Variants in IGSF23 observed in about 807,000 individuals in gnomAD.
The protein encoded by IGSF23 is immunoglobulin superfamily member 23.
In IGSF23, 14 loss-of-function variants were observed where a neutral mutation model predicts 17.8. That is an observed-to-expected ratio of 0.79 (90% CI 0.52 to 1.23). The LOEUF (loss-of-function observed/expected upper bound fraction) is 1.23, where lower values mean the gene tolerates loss of function less well. Among genes scored for constraint, IGSF23 ranks in the 50% most tolerant of loss-of-function variants. The pLI is 0.00. For synonymous variants in IGSF23, 85 were observed against 92.5 expected, an observed-to-expected ratio of 0.92 and a Z score of 0.46; for missense variants, 214 against 241.7, an observed-to-expected ratio of 0.89 and a Z score of 0.76.
intron 1 of IGSF23, chr19:44,618,120 C>A (rs989122803): frequency 6.4e-6 from 3 of 471,062 alleles, no homozygotes; most frequent in Non-Finnish European, 1.3e-5. Context: ...CTCAGAGCTG[C>A]CCTTCTCGGC....
chr19:44,622,515 C>G (rs1253075729), intron 1 of IGSF23, among the ~76,000 whole-genome samples: 1 of 152,184 alleles, frequency 6.6e-6, no homozygotes, highest in Non-Finnish European at 1.5e-5. Flanking sequence ...AAAATGCAGA[C>G]AAGAAGTGGG....
At position 44,613,640 on chromosome 19, in the gene IGSF23, G is replaced by A. The variant is rs1273067969; in HGVS notation, c.-6G>A. On this transcript the variant is annotated 5_prime_UTR_variant, in exon 1 of 5. Transcript: ENST00000402988. The stretch of plus-strand genomic sequence containing the variant: ...CATCTCCCGGCGGGGATTGTACGGT[G>A]AGAGAATGAGAGCAAAACCTCAGAG... 2.6e-6 allele frequency: 4 copies of A among 1,544,198 alleles called. No homozygotes were observed. The highest frequency in any genetic ancestry group is 3.5e-6 in the Non-Finnish European group (4 of 1,142,652).
chr19:44,615,911 C>CGGGGG (rs11423421), intron 1 of IGSF23, among the ~76,000 whole-genome samples: 2 of 77,542 alleles, frequency 2.6e-5, no homozygotes, highest in Non-Finnish European at 2.6e-5. Flanking sequence ...TTCCTGGGGG[C>CGGGGG]GGGAGGGTGG....
At position 44,613,761 on chromosome 19, in the gene IGSF23, C is replaced by G; in HGVS notation, c.116C>G (p.Ala39Gly). The G allele has an allele frequency of 6.4e-7, 1 of 1,550,458 alleles. No homozygotes were observed. The highest frequency in any genetic ancestry group is 8.7e-7 in the Non-Finnish European group (1 of 1,146,910). The change falls in exon 1 of 5, where the codon GCC becomes GGC. Residue 39 changes from alanine (A) to glycine (G), a missense_variant. Coordinates refer to ENST00000402988, the MANE Select transcript of IGSF23 (RefSeq NM_001205280.2). ...EKDAAGGDFP[A>G]NLVLQLMPLK... ...GATGCGGCTGGAGGTGACTTCCCAG[C>G]CAACTTGGTGTAAGTCATGTGGGGA...
intron 3 of IGSF23, among the ~76,000 whole-genome samples, chr19:44,634,314 A>G (rs1299253268): frequency 6.6e-6 from 1 of 152,214 alleles, no homozygotes; most frequent in Admixed American, 6.5e-5. Context: ...CATGTTGGAC[A>G]TATTTCAGAC....
At chr19:44,627,274 C>T in intron 2 of IGSF23, 146 bp from the exon 3 acceptor site, 1 of 748,334 alleles carries the variant, frequency 1.3e-6, no homozygotes, top group Non-Finnish European at 2.1e-6. Context: ...GGCAGGAGAG[C>T]AGGGAGGAGA....
intron 3 of IGSF23, among the ~76,000 whole-genome samples, chr19:44,631,092 CAA>C (rs34410787): frequency 2.3e-5 from 3 of 129,822 alleles, no homozygotes. Flanking sequence ...CATGTCTCTA[CAA>C]AAAAAAAAAA....
Position 44,613,606 on chromosome 19 carries a change from T to C in IGSF23, c.-40T>C, listed in dbSNP as rs1410468828. On this transcript the variant is annotated 5_prime_UTR_variant, in exon 1 of 5. Coordinates refer to ENST00000402988, the MANE Select transcript of IGSF23 (RefSeq NM_001205280.2). ...GAGTGATAGGAGCGGGCGATTCTGC[T>C]TCTCCCTCCATCTCCCGGCGGGGAT... 2.0e-6 allele frequency: 3 copies of C among 1,512,022 alleles called. No individual in the cohort carries two copies. The highest frequency in any genetic ancestry group is 2.7e-6 in the Non-Finnish European group (3 of 1,122,674). The allele number at this position is 1,512,022 out of a possible 1,614,324, so 93.7% of individuals were successfully genotyped here.
At chr19:44,622,272 G>C (rs1972539925) in intron 1 of IGSF23, among the ~76,000 whole-genome samples, 1 of 151,466 alleles carries the variant, frequency 6.6e-6, no homozygotes, top group South Asian at 2.1e-4. Flanking sequence ...TGTACACCTA[G>C]TGGGCTCTTT....
In IGSF23 at chr19:44,620,044, G is replaced by A. The variant is rs142246818; in HGVS notation, c.126-3663G>A. Among the ~76,000 whole-genome samples, 176 of 152,256 alleles carry A rather than the reference G, an allele frequency of 1.2e-3. 3 individuals carry two copies. The highest frequency in any genetic ancestry group is 1.2e-3 in the Non-Finnish European group (85 of 68,026). On this transcript the variant is annotated intron_variant, in intron 1 of 4. Transcript: ENST00000402988. ...CCAGCATTTTGGGAGGCCAAGGCGGGCAGATCACGAGTTCAGGAGTTCAAG... is the reference window on the plus strand; with the variant it reads ...CCAGCATTTTGGGAGGCCAAGGCGGACAGATCACGAGTTCAGGAGTTCAAG...
chr19:44,630,844 G>A (rs946536501), intron 3 of IGSF23, among the ~76,000 whole-genome samples: 1 of 152,206 alleles, frequency 6.6e-6, no homozygotes, highest in Non-Finnish European at 1.5e-5. Context: ...GATCCCCATT[G>A]TTTGTAGTTG....
chr19:44,627,079 A>G (rs947309581), intron 2 of IGSF23, among the ~76,000 whole-genome samples: 6 of 152,154 alleles, frequency 3.9e-5, no homozygotes, highest in Non-Finnish European at 8.8e-5. Flanking sequence ...AGGCAGGGCA[A>G]TGAGAGAGAT....
At chr19:44,620,366 T>C (rs1972489622) in intron 1 of IGSF23, among the ~76,000 whole-genome samples, 1 of 151,376 alleles carries the variant, frequency 6.6e-6, no homozygotes, top group African/African-American at 2.4e-5. Flanking sequence ...TGTGTGTGTG[T>C]GTGTGTGTGT....
chr19:44,634,822 A>G (rs1032758162), intron 3 of IGSF23, among the ~76,000 whole-genome samples: 10 of 152,152 alleles, frequency 6.6e-5, no homozygotes, highest in Admixed American at 5.9e-4. Context: ...AAAGAAAAAA[A>G]AAAAAAAACC....
intron 1 of IGSF23, among the ~76,000 whole-genome samples, chr19:44,620,558 G>A (rs1271631765): frequency 6.6e-6 from 1 of 151,998 alleles, no homozygotes; most frequent in Non-Finnish European, 1.5e-5. Context: ...GTAGAGACAG[G>A]GTTTCACCAT....
intron 3 of IGSF23, among the ~76,000 whole-genome samples, chr19:44,629,246 C>T (rs558835559): frequency 2.0e-5 from 3 of 152,130 alleles, no homozygotes; most frequent in Non-Finnish European, 4.4e-5. Context: ...GCTAGTACTA[C>T]AACGCTATTA....
At chr19:44,635,107 C>T (rs1972858715) in intron 3 of IGSF23, among the ~76,000 whole-genome samples, 1 of 152,210 alleles carries the variant, frequency 6.6e-6, no homozygotes, top group African/African-American at 2.4e-5. Context: ...GTGCCCCTCT[C>T]CATGGCTTGC....
intron 2 of IGSF23, 35 bp from the exon 3 acceptor site, chr19:44,627,385 T>C (rs1467231044): frequency 5.4e-6 from 8 of 1,476,676 alleles, no homozygotes; most frequent in Non-Finnish European, 7.3e-6. Flanking sequence ...GGCGGGCAGA[T>C]GGCTCCTCCA....
intron 3 of IGSF23, among the ~76,000 whole-genome samples, chr19:44,631,500 A>C (rs935163305): frequency 6.6e-6 from 1 of 152,188 alleles, no homozygotes; most frequent in African/African-American, 2.4e-5. Flanking sequence ...AGGCAGGAGA[A>C]TCATGCCAAG....
Sources: allele counts gnomAD v4.1 joint callset (sites outside exome capture counted in the v4.1 genomes callset), GRCh38; gene constraint gnomAD v4.1.1; transcripts MANE v1.5; gene names NCBI Gene and HGNC (gene_info 2026-07-23, HGNC 2026-07-21).